The following ANTXR1 variants were observed in gnomAD, a reference collection of about 807,000 sequenced individuals.
ANTXR1 encodes the protein ANTXR cell adhesion molecule 1, also known as anthrax toxin receptor 1.
A neutral mutation model predicts 78.1 loss-of-function variants in ANTXR1; 19 were observed. That is an observed-to-expected ratio of 0.24 (90% CI 0.17 to 0.36). The LOEUF is 0.36. Ranked by LOEUF, ANTXR1 falls within the 10% of genes least tolerant of loss-of-function variation. ANTXR1 has a pLI of 1.00. For synonymous variants in ANTXR1, 273 were observed against 260.5 expected, an observed-to-expected ratio of 1.05 and a Z score of -0.46; for missense variants, 518 against 718.6, an observed-to-expected ratio of 0.72 and a Z score of 3.19.
intron 10 of ANTXR1, 99 bp from the exon 11 acceptor site, chr2:69,122,918 G>A: frequency 3.1e-6 from 4 of 1,300,546 alleles, no homozygotes; most frequent in Non-Finnish European, 4.4e-6. Context: ...TTGTTTTTTT[G>A]GTATCTCCCT....
At chr2:69,121,161 A>T (rs1573904329) in intron 10 of ANTXR1, among the ~76,000 whole-genome samples, 1 of 152,228 alleles carries the variant, frequency 6.6e-6, no homozygotes, top group Non-Finnish European at 1.5e-5. Flanking sequence ...TTATAATTAC[A>T]TAACAATTTG....
chr2:69,049,167 C>T (rs72827619), intron 3 of ANTXR1, among the ~76,000 whole-genome samples: 14,755 of 152,058 alleles, frequency 0.097, 1,410 homozygotes, highest in African/African-American at 0.25. Context: ...TTTACAAAAA[C>T]GTGCATGTCA....
chr2:69,125,195 A>T (rs1672492660), intron 12 of ANTXR1, among the ~76,000 whole-genome samples: 1 of 152,174 alleles, frequency 6.6e-6, no homozygotes, highest in Non-Finnish European at 1.5e-5. Context: ...GTGGGGAAGG[A>T]GCCCTTACAA....
At chr2:69,021,143 T>G (rs1051835258) in intron 1 of ANTXR1, among the ~76,000 whole-genome samples, 4 of 152,210 alleles carry the variant, frequency 2.6e-5, no homozygotes, top group African/African-American at 9.7e-5. Context: ...GTAAACACTT[T>G]GCCTGTATGA....
intron 13 of ANTXR1, among the ~76,000 whole-genome samples, chr2:69,167,493 C>T (rs909038764): frequency 1.3e-5 from 2 of 152,186 alleles, no homozygotes; most frequent in Non-Finnish European, 2.9e-5. Context: ...CTGGTCTTGG[C>T]ACAAGGATTT....
At chr2:69,039,311 A>C (rs1461654373) in intron 1 of ANTXR1, among the ~76,000 whole-genome samples, 1 of 152,198 alleles carries the variant, frequency 6.6e-6, no homozygotes, top group Non-Finnish European at 1.5e-5. Flanking sequence ...CAGAAGTCAA[A>C]CTTGGGAAAT....
intron 3 of ANTXR1, among the ~76,000 whole-genome samples, chr2:69,067,417 A>T (rs977577905): frequency 2.7e-5 from 4 of 150,816 alleles, no homozygotes; most frequent in Non-Finnish European, 5.9e-5. Context: ...AGTGAAGCCA[A>T]GCAAATATTT....
At chr2:69,032,418 G>A (rs1301733915) in intron 1 of ANTXR1, among the ~76,000 whole-genome samples, 1 of 151,396 alleles carries the variant, frequency 6.6e-6, no homozygotes, top group East Asian at 1.9e-4. Flanking sequence ...TGCTGCTTTT[G>A]TGATACGATA....
intron 13 of ANTXR1, among the ~76,000 whole-genome samples, chr2:69,167,296 A>G (rs1357709064): frequency 6.6e-6 from 1 of 152,194 alleles, no homozygotes; most frequent in Non-Finnish European, 1.5e-5. Context: ...AACCACGGAG[A>G]TATCTATTTT....
At chr2:69,161,434 G>A (rs1244747485) in intron 13 of ANTXR1, among the ~76,000 whole-genome samples, 1 of 152,078 alleles carries the variant, frequency 6.6e-6, no homozygotes, top group African/African-American at 2.4e-5. Context: ...GAAAATTTCT[G>A]GTACCACATT....
At chr2:69,225,435 A>G (rs985649072) in intron 17 of ANTXR1, among the ~76,000 whole-genome samples, 3 of 152,244 alleles carry the variant, frequency 2.0e-5, no homozygotes, top group Non-Finnish European at 4.4e-5. Context: ...AGCCATGATC[A>G]TGACACCGCA....
chr2:69,152,460 G>A (rs908303985), intron 13 of ANTXR1, among the ~76,000 whole-genome samples, 196 bp downstream of exon 13: 1 of 152,234 alleles, frequency 6.6e-6, no homozygotes, highest in Non-Finnish European at 1.5e-5. Flanking sequence ...GTATGAGTTA[G>A]GGTGTGAGAT....
intron 17 of ANTXR1, among the ~76,000 whole-genome samples, chr2:69,237,431 G>A (rs1675792564): frequency 6.6e-6 from 1 of 152,186 alleles, no homozygotes; most frequent in African/African-American, 2.4e-5. Context: ...TCCAGCTTTG[G>A]GGAAGGGGAA....
chr2:69,137,227 G>A (rs530035783), intron 12 of ANTXR1, among the ~76,000 whole-genome samples: 63 of 151,956 alleles, frequency 4.1e-4, no homozygotes, highest in South Asian at 1.9e-3. Context: ...CTGGTCTCTC[G>A]CTTCTTGATA....
At chr2:69,236,690 A>G (rs1398145417) in intron 17 of ANTXR1, among the ~76,000 whole-genome samples, 2 of 152,244 alleles carry the variant, frequency 1.3e-5, no homozygotes, top group Non-Finnish European at 2.9e-5. Context: ...ATGGATAAAT[A>G]GTTTTATCAC....
chr2:69,193,136 G>A (rs1674579272), intron 16 of ANTXR1, among the ~76,000 whole-genome samples, 199 bp from the exon 17 acceptor site: 1 of 152,142 alleles, frequency 6.6e-6, no homozygotes, highest in Non-Finnish European at 1.5e-5. Context: ...AGAGTCTCCT[G>A]TGTGTCTCTT....
chr2:69,030,178 A>G (rs1489461998), intron 1 of ANTXR1, among the ~76,000 whole-genome samples: 3 of 152,176 alleles, frequency 2.0e-5, no homozygotes, highest in Non-Finnish European at 4.4e-5. Context: ...TCCCTCACCA[A>G]TAGAATCTGG....
intron 1 of ANTXR1, among the ~76,000 whole-genome samples, chr2:69,018,360 T>C (rs1342728223): frequency 6.6e-6 from 1 of 152,216 alleles, no homozygotes; most frequent in Non-Finnish European, 1.5e-5. Flanking sequence ...CACACCTGGA[T>C]GATGCCCTGC....
intron 9 of ANTXR1, among the ~76,000 whole-genome samples, chr2:69,097,234 G>T (rs1671459440): frequency 1.3e-5 from 2 of 152,190 alleles, no homozygotes; most frequent in Non-Finnish European, 2.9e-5. Flanking sequence ...AAGGATGCCA[G>T]GAAGGAACTA....
Sources: allele counts gnomAD v4.1 joint callset (sites outside exome capture counted in the v4.1 genomes callset), GRCh38; gene constraint gnomAD v4.1.1; transcripts MANE v1.5; gene names NCBI Gene and HGNC (gene_info 2026-07-23, HGNC 2026-07-21).